RNF168: variants seen among roughly 807,000 people sequenced by gnomAD.
The protein encoded by RNF168 is E3 ubiquitin-protein ligase RNF168.
A neutral mutation model predicts 34.9 loss-of-function variants in RNF168; 34 were observed. The ratio of observed to expected loss-of-function variants is 0.97; its 90% CI spans 0.74 to 1.30. RNF168 has a LOEUF of 1.30. RNF168 is among the 50% of genes most tolerant of loss of function. The pLI, the probability that RNF168 is intolerant of heterozygous loss-of-function variation, is 0.00. For synonymous variants in RNF168, 264 were observed against 254.7 expected, an observed-to-expected ratio of 1.04 and a Z score of -0.35; for missense variants, 725 against 682.5, an observed-to-expected ratio of 1.06 and a Z score of -0.69.
intron 1 of RNF168, among the ~76,000 whole-genome samples, chr3:196,492,043 T>G (rs1178970204): frequency 6.6e-6 from 1 of 152,164 alleles, no homozygotes; most frequent in African/African-American, 2.4e-5. Context: ...ATGAGAAAGT[T>G]CAGAGATGAA....
chr3:196,488,694 T>G lies in RNF168; in HGVS notation c.302-11A>C. 3 of 1,569,546 alleles carry G rather than the reference T, an allele frequency of 1.9e-6. No individual in the cohort carries two copies. The highest frequency in any genetic ancestry group is 2.6e-6 in the Non-Finnish European group (3 of 1,140,428). The stretch of plus-strand genomic sequence containing the variant: ...GCTGATAGTCATCAGCTATTTCATA[T>G]CAAAAAAGAAAATAACATTATAGGC... On this transcript the variant is annotated splice_polypyrimidine_tract_variant and intron_variant, in intron 1 of 5. Transcript: ENST00000318037.
intron 4 of RNF168, among the ~76,000 whole-genome samples, chr3:196,481,044 A>G (rs988945556): frequency 1.3e-5 from 2 of 152,172 alleles, no homozygotes; most frequent in Admixed American, 1.3e-4. Flanking sequence ...TTTTGTACAG[A>G]TTTTATATCT....
At chr3:196,496,743 C>T (rs1379569898) in intron 1 of RNF168, among the ~76,000 whole-genome samples, 1 of 152,150 alleles carries the variant, frequency 6.6e-6, no homozygotes, top group Non-Finnish European at 1.5e-5. Flanking sequence ...GCGGTTCAGG[C>T]CTGTAATTCC....
chr3:196,483,706 A>G (rs1222616457), intron 4 of RNF168, 64 bp downstream of exon 4: 10 of 1,385,676 alleles, frequency 7.2e-6, no homozygotes, highest in Non-Finnish European at 1.0e-5. Context: ...AGTAGTCTAT[A>G]TGAACAGAAA....
rs1473006905 is a variant in RNF168, at chr3:196,502,946, C to T, written c.228G>A (p.Leu76=). Residue 76 remains leucine, a synonymous_variant, in exon 1 of 6, where the codon CTG becomes CTA. Coordinates refer to ENST00000318037, the MANE Select transcript of RNF168 (RefSeq NM_152617.4). ...TRRNSLVNVE[L]WTIIQKHYPR... is the part of the protein sequence containing the mutation. Reference sequence around the variant, plus strand: ...GATAGTGTTTTTGAATTATCGTCCACAGTTCCACGTTGACGAGAGAATTTC... The same window carrying T: ...GATAGTGTTTTTGAATTATCGTCCATAGTTCCACGTTGACGAGAGAATTTC... 6.2e-7 allele frequency: 1 copy of T among 1,614,004 alleles called. No individual in the cohort carries two copies. The highest frequency in any genetic ancestry group is 8.5e-7 in the Non-Finnish European group (1 of 1,179,988).
intron 4 of RNF168, among the ~76,000 whole-genome samples, chr3:196,483,234 G>C (rs982591245): frequency 1.3e-5 from 2 of 151,982 alleles, no homozygotes; most frequent in Non-Finnish European, 2.9e-5. Flanking sequence ...TGAACCAGAA[G>C]TCCTTATGTA....
At position 196,470,541 on chromosome 3, in the gene RNF168, CAT is replaced by C. The variant is rs1368550502; in HGVS notation, c.*1276_*1277del. The C allele has an allele frequency of 4.0e-5, 6 of 151,432 alleles. No individual in the cohort carries two copies. The highest frequency in any genetic ancestry group is 8.8e-5 in the Non-Finnish European group (6 of 68,564). 9.4% of individuals were successfully genotyped at this position (151,432 alleles called of 1,614,324 possible). ...CAGTCACCCCATCCAGCCTCAGCCT[CAT>C]CCTCATCTGGACCCGTTTCTGACCA... On this transcript the variant is annotated 3_prime_UTR_variant, in exon 6 of 6. Coordinates refer to ENST00000318037, the MANE Select transcript of RNF168 (RefSeq NM_152617.4).
At position 196,469,832 on chromosome 3, in the gene RNF168, ACT is replaced by A. The variant is rs1346725826; in HGVS notation, c.*1985_*1986del. On this transcript the variant is annotated 3_prime_UTR_variant, in exon 6 of 6. Transcript: ENST00000318037. ...CCACAACATAAGACACTGTGAGGTAACTCTCCTGTAATACATTCCCATTTTTT... is the reference window on the plus strand; with the variant it reads ...CCACAACATAAGACACTGTGAGGTAACTCCTGTAATACATTCCCATTTTTT... 1 of 152,192 alleles carries A rather than the reference ACT, an allele frequency of 6.6e-6. No individual in the cohort carries two copies. The highest frequency in any genetic ancestry group is 1.9e-4 in the East Asian group (1 of 5,202). 9.4% of individuals were successfully genotyped at this position (152,192 alleles called of 1,614,324 possible).
chr3:196,502,165 GAA>G (rs1037807049), intron 1 of RNF168, among the ~76,000 whole-genome samples: 15 of 150,526 alleles, frequency 1.0e-4, no homozygotes, highest in Non-Finnish European at 2.2e-4. Context: ...ATTAGTGGAG[GAA>G]AGAGTCAAGG....
rs1028346977 is a variant in RNF168, at chr3:196,469,848, T to G, written c.*1971A>C. The G allele has an allele frequency of 6.6e-6, 1 of 152,340 alleles. No individual in the cohort carries two copies. Among genetic ancestry groups the G allele is most frequent in the South Asian group, 2.1e-4 (1 of 4,826 alleles). The allele number at this position is 152,340 out of a possible 1,614,324, so 9.4% of individuals were successfully genotyped here. On this transcript the variant is annotated 3_prime_UTR_variant, in exon 6 of 6. Transcript: ENST00000318037. The stretch of plus-strand genomic sequence containing the variant: ...TGTGAGGTAACTCTCCTGTAATACA[T>G]TCCCATTTTTTTCTGGAATAGCAGA...
At chr3:196,486,482 C>T (rs1732427265) in intron 3 of RNF168, among the ~76,000 whole-genome samples, 1 of 151,770 alleles carries the variant, frequency 6.6e-6, no homozygotes, top group Non-Finnish European at 1.5e-5. Context: ...TCCAGGCACG[C>T]ACCATCACAC....
chr3:196,473,468 C>G lies in RNF168; in HGVS notation c.763-696G>C, dbSNP rs897145561. Among the ~76,000 whole-genome samples the G allele has an allele frequency of 7.2e-5, 11 of 152,196 alleles. 2 individuals carry two copies. Among genetic ancestry groups the G allele is most frequent in the Admixed American group, 6.5e-4 (10 of 15,280 alleles). On this transcript the variant is annotated intron_variant, in intron 5 of 5. Coordinates refer to ENST00000318037, the MANE Select transcript of RNF168 (RefSeq NM_152617.4). The stretch of plus-strand genomic sequence containing the variant: ...TCATAATACCCAATTATCTGTGTCA[C>G]CCCTGATGTAGTACACCCACTCTCT...
intron 5 of RNF168, among the ~76,000 whole-genome samples, 193 bp from the exon 6 acceptor site, chr3:196,472,965 G>A (rs184771969): frequency 2.6e-5 from 4 of 151,698 alleles, no homozygotes; most frequent in East Asian, 3.9e-4. Context: ...GCAGTGGCGC[G>A]GTCTCAGCTC....
intron 1 of RNF168, among the ~76,000 whole-genome samples, chr3:196,495,095 G>T (rs192243182): frequency 5.3e-5 from 8 of 152,200 alleles, no homozygotes; most frequent in African/African-American, 1.7e-4. Flanking sequence ...CAAATCTACA[G>T]AAATTGCAAA....
At chr3:196,491,619 C>A (rs1732600052) in intron 1 of RNF168, among the ~76,000 whole-genome samples, 1 of 152,198 alleles carries the variant, frequency 6.6e-6, no homozygotes, top group Admixed American at 6.5e-5. Context: ...GCACTCCAGC[C>A]TGGGCGACAG....
rs73891265 is a variant in RNF168 at position 196,490,849 on chromosome 3, C to T, written c.302-2166G>A. On this transcript the variant is annotated intron_variant, in intron 1 of 5. Coordinates refer to ENST00000318037, the MANE Select transcript of RNF168 (RefSeq NM_152617.4). Reference sequence around the variant, plus strand: ...TAAGGAGGATCTATTCAAGACAATACAATGGTATACACAGGAGAGACATAT... The same window carrying T: ...TAAGGAGGATCTATTCAAGACAATATAATGGTATACACAGGAGAGACATAT... Among the ~76,000 whole-genome samples, 1,396 of 152,200 alleles carry T rather than the reference C, an allele frequency of 9.2e-3. 22 individuals are homozygous for T. Among genetic ancestry groups the T allele is most frequent in the African/African-American group, 0.031 (1,308 of 41,530 alleles).
At chr3:196,487,623 G>A (rs750707179) in intron 2 of RNF168, 45 bp from the exon 3 acceptor site, 1 of 1,541,084 alleles carries the variant, frequency 6.5e-7, no homozygotes, top group South Asian at 1.1e-5. Flanking sequence ...GAACGTTTTG[G>A]TATACTTGCA....
Position 196,485,737 on chromosome 3 carries a change from T to C in RNF168, c.558+1662A>G, listed in dbSNP as rs372475857. Among the ~76,000 whole-genome samples, 36 of 152,054 alleles carry C rather than the reference T, an allele frequency of 2.4e-4. No homozygotes were observed. In the East Asian group the frequency reaches 4.0e-3, roughly 17 times the overall value. ...GTAGGCCTCTCAAAAAAGAAAAAAA[T>C]TCCCAATTCTGCGTATACTCATTTT... On this transcript the variant is annotated intron_variant, in intron 3 of 5. Coordinates refer to ENST00000318037, the MANE Select transcript of RNF168 (RefSeq NM_152617.4).
chr3:196,483,870 T>A lies in RNF168; in HGVS notation c.580A>T (p.Ile194Phe), dbSNP rs1437831646. ...CTGGAATTCAAGGGAGAAGCCGAGATACTTCCCTCACAGAAATTGTTCTTC... is the reference window on the plus strand; with the variant it reads ...CTGGAATTCAAGGGAGAAGCCGAGAAACTTCCCTCACAGAAATTGTTCTTC... ...IDINNFCEGS[I>F]SASPLNSRKS... The change falls in exon 4 of 6, where the codon ATC (isoleucine) becomes TTC (phenylalanine). Residue 194 changes from isoleucine to phenylalanine, a missense_variant. Ile to Phe is a conservative substitution (Grantham distance 21, BLOSUM62 0). Transcript: ENST00000318037. 1 of 1,609,222 alleles carries A rather than the reference T, an allele frequency of 6.2e-7. No homozygotes were observed. Among genetic ancestry groups the A allele is most frequent in the African/African-American group, 1.3e-5 (1 of 74,960 alleles).
Sources: allele counts gnomAD v4.1 joint callset (sites outside exome capture counted in the v4.1 genomes callset), GRCh38; gene constraint gnomAD v4.1.1; transcripts MANE v1.5; gene names NCBI Gene and HGNC (gene_info 2026-07-23, HGNC 2026-07-21).